Variants in PRKN observed in about 807,000 individuals in gnomAD.
PRKN encodes parkin RBR E3 ubiquitin protein ligase.
Under a neutral mutation model 59.5 loss-of-function variants are expected in PRKN, and 56 were observed. That is an observed-to-expected ratio of 0.94 (90% CI 0.76 to 1.18). The LOEUF is 1.18. Ranked by LOEUF, PRKN falls within the 50% of genes most tolerant of loss-of-function variation. The pLI is 0.00. For synonymous variants in PRKN, 250 were observed against 222.1 expected, an observed-to-expected ratio of 1.13 and a Z score of -1.12; for missense variants, 657 against 596.4, an observed-to-expected ratio of 1.10 and a Z score of -1.06.
chr6:162,482,065 G>A (rs1343293869), intron 1 of PRKN, among the ~76,000 whole-genome samples: 1 of 152,032 alleles, frequency 6.6e-6, no homozygotes, highest in Non-Finnish European at 1.5e-5. Flanking sequence ...TCTAGTTATA[G>A]AAACCCATGG....
intron 4 of PRKN, among the ~76,000 whole-genome samples, chr6:162,175,495 TA>T (rs1362227300): frequency 6.6e-6 from 1 of 152,136 alleles, no homozygotes; most frequent in Admixed American, 6.5e-5. Context: ...AAATCATAGC[TA>T]AAAACAAATC....
intron 1 of PRKN, among the ~76,000 whole-genome samples, chr6:162,575,994 AAATCCT>A (rs1780540949): frequency 6.6e-6 from 1 of 152,242 alleles, no homozygotes; most frequent in African/African-American, 2.4e-5. Context: ...TCCCTTGGAA[AAATCCT>A]ATCTTGGTTC....
At chr6:162,471,096 TTTTA>T (rs202132166) in intron 1 of PRKN, among the ~76,000 whole-genome samples, 2,264 of 98,794 alleles carry the variant, frequency 0.023, 52 homozygotes, top group African/African-American at 0.069. Flanking sequence ...TTATTTTCAT[TTTTA>T]TTTATTTATT....
In PRKN at chr6:161,348,978, T is replaced by A. The variant is rs1431779095; in HGVS notation, c.*1121A>T. On this transcript the variant is annotated 3_prime_UTR_variant, in exon 12 of 12. Transcript: ENST00000366898. This position sits in a 1 kb window ranked among gnomAD's most constrained non-coding sequence, Gnocchi z 4.9. Reference sequence around the variant, plus strand: ...GTGAGTTTACTGTCCTAAGAGAAGGTCTCTCCTGGGGAACCCCTGGTATGC... The same window carrying A: ...GTGAGTTTACTGTCCTAAGAGAAGGACTCTCCTGGGGAACCCCTGGTATGC... 4.9e-6 allele frequency: 1 copy of A among 203,434 alleles called. No homozygotes were observed. Among genetic ancestry groups the A allele is most frequent in the African/African-American group, 2.3e-5 (1 of 43,738 alleles). The allele number at this position is 203,434 out of a possible 1,614,324, so 12.6% of individuals were successfully genotyped here. A position where few individuals can be genotyped will look rare whatever the true frequency, so the allele number is the denominator to read the frequency against.
chr6:162,594,313 G>C (rs1033949046), intron 1 of PRKN, among the ~76,000 whole-genome samples: 4 of 152,094 alleles, frequency 2.6e-5, no homozygotes, highest in Non-Finnish European at 5.9e-5. Flanking sequence ...ATGTAGTTTA[G>C]ATGTAAAGAC....
intron 7 of PRKN, among the ~76,000 whole-genome samples, chr6:161,726,406 C>T (rs1047867219): frequency 6.6e-6 from 1 of 152,168 alleles, no homozygotes; most frequent in Admixed American, 6.5e-5. Flanking sequence ...TAACCTATGT[C>T]GTGAAAGCAC....
intron 6 of PRKN, among the ~76,000 whole-genome samples, chr6:161,888,287 C>A (rs1795224626): frequency 6.6e-6 from 1 of 152,114 alleles, no homozygotes. Context: ...CAGCGCTTAC[C>A]TTCTACCCAT....
At chr6:161,982,206 C>T (rs574614908) in intron 5 of PRKN, among the ~76,000 whole-genome samples, 2 of 152,168 alleles carry the variant, frequency 1.3e-5, no homozygotes, top group South Asian at 4.2e-4. Flanking sequence ...AAAAGTGATT[C>T]CTGAAAAGTA....
At chr6:162,373,805 G>T (rs537501929) in intron 2 of PRKN, among the ~76,000 whole-genome samples, 1 of 152,060 alleles carries the variant, frequency 6.6e-6, no homozygotes, top group Non-Finnish European at 1.5e-5. Flanking sequence ...ATTTAATAGA[G>T]TTTAATTGAG....
At chr6:162,198,933 T>C (rs1161333626) in intron 4 of PRKN, among the ~76,000 whole-genome samples, 1 of 152,196 alleles carries the variant, frequency 6.6e-6, no homozygotes, top group African/African-American at 2.4e-5. Flanking sequence ...GTTTTTCTAT[T>C]TTTTTCCCAC....
intron 2 of PRKN, among the ~76,000 whole-genome samples, chr6:162,318,277 T>G (rs9458519): frequency 0.62 from 94,463 of 151,846 alleles, 29,785 homozygotes; most frequent in East Asian, 0.73. Context: ...AATATCAGAA[T>G]ATGAAAAATG....
chr6:162,536,790 T>A (rs1778740316), intron 1 of PRKN, among the ~76,000 whole-genome samples: 1 of 152,172 alleles, frequency 6.6e-6, no homozygotes, highest in Admixed American at 6.5e-5. Flanking sequence ...AAACACATTT[T>A]TTTGAAGCCT....
chr6:162,426,155 G>A (rs1023726138), intron 2 of PRKN, among the ~76,000 whole-genome samples: 2 of 152,212 alleles, frequency 1.3e-5, no homozygotes, highest in African/African-American at 4.8e-5. Flanking sequence ...GGTGGGTGAT[G>A]TGAAATGCCT....
chr6:161,563,292 A>C (rs375497644), intron 8 of PRKN, among the ~76,000 whole-genome samples: 24 of 152,324 alleles, frequency 1.6e-4, no homozygotes, highest in African/African-American at 5.5e-4. Flanking sequence ...TAGTACAAGA[A>C]AGTATTCAAT....
At chr6:162,307,475 T>C (rs1383015256) in intron 2 of PRKN, among the ~76,000 whole-genome samples, 1 of 147,880 alleles carries the variant, frequency 6.8e-6, no homozygotes, top group African/African-American at 2.5e-5. Context: ...ATTATGTACA[T>C]AATAAATTAT....
intron 7 of PRKN, among the ~76,000 whole-genome samples, chr6:161,706,140 C>G (rs1786482006): frequency 6.6e-6 from 1 of 152,112 alleles, no homozygotes; most frequent in Admixed American, 6.6e-5. Context: ...CAAATCTCTA[C>G]CCATTTCGAT....
intron 3 of PRKN, among the ~76,000 whole-genome samples, chr6:162,210,113 A>AAAATAAAATAAAATAAAATG: frequency 6.6e-6 from 1 of 151,276 alleles, no homozygotes; most frequent in South Asian, 2.1e-4. Flanking sequence ...AATAAAAAAT[A>AAAATAAAATAAAATAAAATG]AAATAAAATA....
Position 162,056,543 on chromosome 6 carries a change from C to T in PRKN, c.535-2369G>A, listed in dbSNP as rs998064582. Reference sequence around the variant, plus strand: ...CCACCGATCATTAATCCAAAGGCCACCGCTTAATATGGAGGTAAATTTGCA... The same window carrying T: ...CCACCGATCATTAATCCAAAGGCCATCGCTTAATATGGAGGTAAATTTGCA... On this transcript the variant is annotated intron_variant, in intron 4 of 11. Coordinates refer to ENST00000366898, the MANE Select transcript of PRKN (RefSeq NM_004562.3). This position sits in a 1 kb window ranked among gnomAD's most constrained non-coding sequence, Gnocchi z 4.9. Among the ~76,000 whole-genome samples the T allele has an allele frequency of 2.6e-5, 4 of 152,276 alleles. No individual in the cohort carries two copies. Among genetic ancestry groups the T allele is most frequent in the African/African-American group, 9.6e-5 (4 of 41,562 alleles).
At chr6:162,468,413 T>C (rs2128176888) in intron 1 of PRKN, among the ~76,000 whole-genome samples, 2 of 152,322 alleles carry the variant, frequency 1.3e-5, no homozygotes, top group South Asian at 4.1e-4. Context: ...TGACATTTAC[T>C]CAGTGTCTGT....
Sources: gnomAD v4.1 joint callset for allele counts (sites outside exome capture counted in the v4.1 genomes callset) on GRCh38, gnomAD v4.1.1 for gene constraint, Gnocchi (gnomAD v3.1) non-coding constraint, MANE v1.5 for transcripts, NCBI Gene and HGNC (gene_info 2026-07-23, HGNC 2026-07-21) for gene names.